SYNPR: variants seen among roughly 807,000 people sequenced by gnomAD.
The protein encoded by SYNPR is synaptoporin.
In SYNPR, 23 loss-of-function variants were observed where a neutral mutation model predicts 32.9. The observed-to-expected ratio is 0.70, with a 90% CI of 0.50 to 0.99. SYNPR has a LOEUF of 0.99. SYNPR is among the 50% of genes least tolerant of loss of function. SYNPR has a pLI of 0.00. For synonymous variants in SYNPR, 146 were observed against 135.9 expected (o/e 1.07, Z -0.52); for missense variants, 318 against 349.3 (o/e 0.91, Z 0.71).
intron 4 of SYNPR, among the ~76,000 whole-genome samples, chr3:63,586,967 C>T (rs2106870481): frequency 6.6e-6 from 1 of 152,050 alleles, no homozygotes; most frequent in South Asian, 2.1e-4. Context: ...TGCGAAGACT[C>T]CACCTATACC....
At chr3:63,496,642 A>G (rs913839787) in intron 3 of SYNPR, among the ~76,000 whole-genome samples, 3 of 152,218 alleles carry the variant, frequency 2.0e-5, no homozygotes, top group Non-Finnish European at 4.4e-5. Flanking sequence ...TCTTCCTAAT[A>G]TGGAATACTA....
chr3:63,330,664 T>C (rs1452569372), intron 2 of SYNPR, among the ~76,000 whole-genome samples: 3 of 152,178 alleles, frequency 2.0e-5, no homozygotes, highest in East Asian at 3.9e-4. Flanking sequence ...AATTTAATAC[T>C]TTATAAGTTT....
intron 2 of SYNPR, among the ~76,000 whole-genome samples, chr3:63,450,777 G>C (rs1268541627): frequency 1.3e-5 from 2 of 152,198 alleles, no homozygotes; most frequent in Non-Finnish European, 2.9e-5. Context: ...CCTGAGCTTG[G>C]ATAGATGCAG....
intron 2 of SYNPR, among the ~76,000 whole-genome samples, chr3:63,460,782 G>A (rs1026413865): frequency 2.0e-5 from 3 of 151,904 alleles, no homozygotes; most frequent in Non-Finnish European, 4.4e-5. Flanking sequence ...AAAAGGAGGC[G>A]ACACAGTCAG....
rs562132382 is a variant in SYNPR at position 63,256,050 on chromosome 3, G to A, written n.154+3464G>A. Among the ~76,000 whole-genome samples, 241 of 152,346 alleles carry A rather than the reference G, an allele frequency of 1.6e-3. 1 individual carries two copies. The highest frequency in any genetic ancestry group is 5.4e-3 in the African/African-American group (223 of 41,590). Reference sequence around the variant, plus strand: ...GGCGCCCGCCATTGCCAAGGCTTGAGTAGGTAAACAAAGCAGCCAGGAAGC... The same window carrying A: ...GGCGCCCGCCATTGCCAAGGCTTGAATAGGTAAACAAAGCAGCCAGGAAGC... On this transcript the variant is annotated intron_variant and non_coding_transcript_variant, in intron 2 of 4. Coordinates refer to the SYNPR transcript ENST00000478456.
At chr3:63,573,465 T>C (rs944250431) in intron 4 of SYNPR, among the ~76,000 whole-genome samples, 2 of 152,110 alleles carry the variant, frequency 1.3e-5, no homozygotes, top group African/African-American at 2.4e-5. Flanking sequence ...ATCTCCAAAA[T>C]AAATATTAAT....
At position 63,615,687 on chromosome 3, in the gene SYNPR, C is replaced by CTATGATGAATA; in HGVS notation, c.*206_*207insTATGATGAATA. 1.7e-6 allele frequency: 1 copy of CTATGATGAATA among 594,464 alleles called. No individual in the cohort carries two copies. The highest frequency in any genetic ancestry group is 2.8e-6 in the Non-Finnish European group (1 of 356,540). 36.8% of individuals were successfully genotyped at this position (594,464 alleles called of 1,614,324 possible). ...CGACATGAGGAGATATATTATTCAT[C>CTATGATGAATA]ATAGATGGCTAATTGGAGAGTACCT... is the stretch of plus-strand genomic sequence containing the variant. On this transcript the variant is annotated 3_prime_UTR_variant, in exon 6 of 6. Transcript: ENST00000478300.
chr3:63,373,591 C>A (rs147338030), intron 2 of SYNPR, among the ~76,000 whole-genome samples: 123 of 152,132 alleles, frequency 8.1e-4, no homozygotes, highest in Middle Eastern at 3.4e-3. Context: ...GTAAAAAGAT[C>A]AAATTTATGA....
intron 2 of SYNPR, among the ~76,000 whole-genome samples, chr3:63,421,964 G>A (rs1699808648): frequency 6.6e-6 from 1 of 152,192 alleles, no homozygotes; most frequent in Admixed American, 6.5e-5. Context: ...ATTATATCAG[G>A]CCCATTTGGG....
intron 2 of SYNPR, among the ~76,000 whole-genome samples, chr3:63,282,191 T>C (rs1466263234): frequency 2.0e-5 from 3 of 152,238 alleles, no homozygotes; most frequent in Non-Finnish European, 4.4e-5. Context: ...TTGTTAAAAT[T>C]ATAACCAAAC....
chr3:63,298,095 T>G (rs1015807479), intron 2 of SYNPR, among the ~76,000 whole-genome samples: 20 of 152,152 alleles, frequency 1.3e-4, no homozygotes, highest in African/African-American at 4.8e-4. Flanking sequence ...GCCCCTCCCA[T>G]AATTCTAATC....
intron 2 of SYNPR, among the ~76,000 whole-genome samples, chr3:63,463,251 C>T (rs1365629875): frequency 1.3e-5 from 2 of 152,084 alleles, no homozygotes; most frequent in Admixed American, 1.3e-4. Context: ...CAGCTCCCTT[C>T]TAAGAAGCAG....
intron 2 of SYNPR, among the ~76,000 whole-genome samples, chr3:63,286,524 G>C (rs569564318): frequency 1.8e-4 from 27 of 147,252 alleles, no homozygotes; most frequent in African/African-American, 6.6e-4. Flanking sequence ...TGCTGAAGTA[G>C]AAACACCATC....
chr3:63,210,974 A>G, the SYNPR span, among the ~76,000 whole-genome samples: 1 of 152,224 alleles, frequency 6.6e-6, no homozygotes, highest in African/African-American at 2.4e-5. Context: ...ATATTCAACA[A>G]ATAAACGCTT....
chr3:63,223,939 C>A (rs550062209), upstream of SYNPR, among the ~76,000 whole-genome samples: 7 of 152,282 alleles, frequency 4.6e-5, 1 homozygote, highest in African/African-American at 9.6e-5. Context: ...GTGGTAGAGG[C>A]TCCATGTATC....
rs557009200 is a variant in SYNPR at position 63,455,706 on chromosome 3, A to T, written c.85-25126A>T. Among the ~76,000 whole-genome samples, 6 of 151,496 alleles carry T rather than the reference A, an allele frequency of 4.0e-5. No individual in the cohort carries two copies. In the South Asian group the frequency reaches 1.0e-3, roughly 26 times the overall value. ...ATTATTAGTTAAATAAGCCTAAAAA[A>T]GTCCCCAATTTCCCTCTCTGATTTT... On this transcript the variant is annotated intron_variant, in intron 2 of 5. Coordinates refer to ENST00000478300, the MANE Select transcript of SYNPR (RefSeq NM_001130003.2).
chr3:63,257,046 G>T (rs893824317), intron 2 of SYNPR, among the ~76,000 whole-genome samples: 1 of 152,040 alleles, frequency 6.6e-6, no homozygotes. Flanking sequence ...ATGAACAAAG[G>T]CCTCCAAGAA....
chr3:63,466,924 C>G (rs1375404275), intron 2 of SYNPR, among the ~76,000 whole-genome samples: 1 of 152,204 alleles, frequency 6.6e-6, no homozygotes, highest in Non-Finnish European at 1.5e-5. Context: ...GATACAAACA[C>G]TCAGTCCAAA....
intron 4 of SYNPR, among the ~76,000 whole-genome samples, chr3:63,595,461 G>A (rs1188358127): frequency 6.6e-6 from 1 of 151,282 alleles, no homozygotes; most frequent in Non-Finnish European, 1.5e-5. Context: ...GGGATTAGTG[G>A]GATTTGTCTA....
Sources: allele counts gnomAD v4.1 joint callset (sites outside exome capture counted in the v4.1 genomes callset), GRCh38; gene constraint gnomAD v4.1.1; transcripts MANE v1.5; gene names NCBI Gene and HGNC (gene_info 2026-07-23, HGNC 2026-07-21).